XKR6: variants seen among roughly 807,000 people sequenced by gnomAD.
The protein encoded by XKR6 is XK related 6.
XKR6 carries 22 observed loss-of-function variants against 56.7 expected under a neutral mutation model. That is an observed-to-expected ratio of 0.39 (90% CI 0.28 to 0.55). The LOEUF is 0.55. XKR6 is among the 20% of genes least tolerant of loss of function. The pLI is 0.66. For missense variants in XKR6, 852 were observed against 889.0 expected, an observed-to-expected ratio of 0.96 and a Z score of 0.53; for synonymous variants, 524 against 387.8, an observed-to-expected ratio of 1.35 and a Z score of -4.13.
intron 1 of XKR6, among the ~76,000 whole-genome samples, chr8:11,135,317 C>G (rs1800333036): frequency 6.6e-6 from 1 of 152,134 alleles, no homozygotes; most frequent in African/African-American, 2.4e-5. Flanking sequence ...GCGTGAGCCA[C>G]CATGCCCGGC....
intron 1 of XKR6, among the ~76,000 whole-genome samples, chr8:11,107,085 C>G (rs1798706747): frequency 1.3e-5 from 2 of 151,906 alleles, no homozygotes; most frequent in Non-Finnish European, 1.5e-5. Context: ...ATGCTTCTAT[C>G]TTGACTTATG....
intron 1 of XKR6, among the ~76,000 whole-genome samples, chr8:10,954,674 G>A (rs1268930096): frequency 1.3e-5 from 2 of 152,168 alleles, no homozygotes; most frequent in East Asian, 1.9e-4. Flanking sequence ...AGTCTTATCT[G>A]TCCATGTTTT....
intron 2 of XKR6, among the ~76,000 whole-genome samples, chr8:10,916,569 G>T (rs1800569537): frequency 6.6e-6 from 1 of 152,210 alleles, no homozygotes; most frequent in African/African-American, 2.4e-5. Flanking sequence ...CGATCCAACT[G>T]ATCCAACCGC....
intron 1 of XKR6, among the ~76,000 whole-genome samples, chr8:11,068,415 T>A (rs1204102252): frequency 1.3e-5 from 2 of 152,168 alleles, no homozygotes; most frequent in Non-Finnish European, 2.9e-5. Flanking sequence ...GCCATTAGTG[T>A]CCTGACACAG....
intron 1 of XKR6, among the ~76,000 whole-genome samples, chr8:11,000,401 T>G (rs563345127): frequency 5.9e-5 from 9 of 152,292 alleles, no homozygotes; most frequent in Non-Finnish European, 1.3e-4. Flanking sequence ...TAGACACATA[T>G]TAGGCCAGGT....
chr8:11,129,843 C>G (rs1053616009), intron 1 of XKR6, among the ~76,000 whole-genome samples: 1 of 151,574 alleles, frequency 6.6e-6, no homozygotes, highest in Admixed American at 6.6e-5. Flanking sequence ...TGCAAGTTCA[C>G]AATAAATGTG....
chr8:11,147,641 C>T (rs575357904), intron 1 of XKR6, among the ~76,000 whole-genome samples: 149 of 135,548 alleles, frequency 1.1e-3, no homozygotes, highest in African/African-American at 4.1e-3. Flanking sequence ...TGTGACAGAG[C>T]GAGACTCTGT....
chr8:10,941,472 G>A (rs1379640304), intron 1 of XKR6, among the ~76,000 whole-genome samples: 2 of 152,198 alleles, frequency 1.3e-5, no homozygotes, highest in Admixed American at 6.5e-5. Context: ...CCCATGCACT[G>A]GGCTGTTGCC....
intron 1 of XKR6, among the ~76,000 whole-genome samples, chr8:11,093,643 G>A (rs529745663): frequency 1.2e-4 from 15 of 124,700 alleles, no homozygotes; most frequent in African/African-American, 5.5e-4. Context: ...CTTAAATATT[G>A]GAAAAGGATA....
At chr8:10,948,097 T>C (rs1801606404) in intron 1 of XKR6, among the ~76,000 whole-genome samples, 1 of 152,168 alleles carries the variant, frequency 6.6e-6, no homozygotes, top group African/African-American at 2.4e-5. Flanking sequence ...GGCTGCCATT[T>C]GTATGCCAGG....
In XKR6 at chr8:11,201,273, C is replaced by T; in HGVS notation, c.67G>A (p.Ala23Thr). 6.3e-7 allele frequency: 1 copy of T among 1,581,326 alleles called. No homozygotes were observed. Among genetic ancestry groups the T allele is most frequent in the Non-Finnish European group, 8.5e-7 (1 of 1,173,686 alleles). Residue 23 changes from alanine to threonine, a missense_variant, in exon 1 of 3, where the codon GCG becomes ACG. Transcript: ENST00000416569. The stretch of plus-strand genomic sequence containing the variant: ...TCCTCCTCGCCGCCGCTGCCCACCG[C>T]CTCGTCCAGGTTGTGCAGCTGAGCG... ...GFAQLHNLDE[A>T]VGSGGEEDGE...
intron 1 of XKR6, among the ~76,000 whole-genome samples, chr8:11,095,520 A>G (rs1798240462): frequency 6.6e-6 from 1 of 152,212 alleles, no homozygotes; most frequent in South Asian, 2.1e-4. Flanking sequence ...GGGCTCCCCC[A>G]GCACACACTG....
chr8:10,984,732 C>CTCTCTCTCTCTATATATATATATATA, intron 1 of XKR6, among the ~76,000 whole-genome samples: 82 of 47,408 alleles, frequency 1.7e-3, no homozygotes, highest in Non-Finnish European at 2.7e-3. Context: ...CTCTCTCTCT[C>CTCTCTCTCTCTATATATATATATATA]TATATATATA....
chr8:11,201,172 G>C lies in XKR6; in HGVS notation c.168C>G (p.Ile56Met), dbSNP rs1481719532. ...SEPGESSSMHICHCCNTSSCY... is the reference protein window; with the variant it reads ...SEPGESSSMHMCHCCNTSSCY... The stretch of plus-strand genomic sequence containing the variant: ...ACGAGGAGGTGTTGCAGCAGTGGCA[G>C]ATGTGCATCGAGCTGCTCTCGCCGG... Residue 56 changes from isoleucine to methionine, a missense_variant, in exon 1 of 3, where the codon ATC (isoleucine) becomes ATG (methionine). By Grantham distance (10) the Ile-to-Met change is conservative. Around this residue, in one of 4 missense-constraint regions of XKR6, gnomAD observed 417 missense variants for 355.2 expected, o/e 1.17. Coordinates refer to ENST00000416569, the MANE Select transcript of XKR6 (RefSeq NM_173683.4). 6 of 1,526,956 alleles carry C rather than the reference G, an allele frequency of 3.9e-6. No homozygotes were observed. Among genetic ancestry groups the C allele is most frequent in the Non-Finnish European group, 4.4e-6 (5 of 1,143,724 alleles). 94.6% of individuals were successfully genotyped at this position (1,526,956 alleles called of 1,614,324 possible).
intron 1 of XKR6, among the ~76,000 whole-genome samples, chr8:11,057,490 A>G (rs1799714491): frequency 6.6e-6 from 1 of 152,236 alleles, no homozygotes; most frequent in Non-Finnish European, 1.5e-5. Flanking sequence ...GCCCTTGTCA[A>G]GTGCATCGTC....
At chr8:10,987,344 A>G (rs1797884403) in intron 1 of XKR6, among the ~76,000 whole-genome samples, 1 of 152,242 alleles carries the variant, frequency 6.6e-6, no homozygotes. Context: ...GAGCAGAATC[A>G]TTATCAATTT....
At chr8:11,001,897 C>G (rs907112645) in intron 1 of XKR6, among the ~76,000 whole-genome samples, 1 of 152,156 alleles carries the variant, frequency 6.6e-6, no homozygotes, top group African/African-American at 2.4e-5. Context: ...GCCCTGGTCC[C>G]TCTGCTGTTC....
At chr8:10,961,979 G>T (rs377118638) in intron 1 of XKR6, among the ~76,000 whole-genome samples, 6 of 152,134 alleles carry the variant, frequency 3.9e-5, no homozygotes, top group African/African-American at 1.4e-4. Flanking sequence ...ACCTTTCTGA[G>T]AGTAAAAGCT....
intron 1 of XKR6, chr8:11,137,759 C>G (rs2116921767): frequency 2.2e-6 from 1 of 452,324 alleles, no homozygotes; most frequent in Non-Finnish European, 4.4e-6. Flanking sequence ...GAATCCTGCT[C>G]CGGTCCTCTT....
Sources: allele counts gnomAD v4.1 joint callset (sites outside exome capture counted in the v4.1 genomes callset), GRCh38; gene constraint gnomAD v4.1.1; regional missense constraint gnomAD v4.1.1; transcripts MANE v1.5; gene names NCBI Gene and HGNC (gene_info 2026-07-23, HGNC 2026-07-21).